The following CARHSP1 variants were observed in gnomAD, a reference collection of about 807,000 sequenced individuals.
CARHSP1 encodes calcium regulated heat stable protein 1.
Under a neutral mutation model 12.5 loss-of-function variants are expected in CARHSP1, and 14 were observed. The observed-to-expected ratio is 1.12, with a 90% confidence interval of 0.74 to 1.75. The LOEUF is 1.75. Ranked by LOEUF, CARHSP1 falls within the 40% of genes most tolerant of loss-of-function variation. CARHSP1 has a pLI of 0.00. For missense variants in CARHSP1, 343 were observed against 201.6 expected (o/e 1.70, Z -4.25); for synonymous variants, 161 against 82.0 (o/e 1.96, Z -5.20).
intron 1 of CARHSP1, chr16:8,866,308 G>A (rs557257348): frequency 4.8e-6 from 2 of 412,608 alleles, no homozygotes; most frequent in Admixed American, 6.4e-5. Context: ...CAGGGAACAC[G>A]GCAGTAGCCG....
chr16:8,855,208 C>G lies in CARHSP1; in HGVS notation c.400G>C (p.Gly134Arg). 1.2e-6 allele frequency: 2 copies of G among 1,612,752 alleles called. No individual in the cohort carries two copies. Among genetic ancestry groups the G allele is most frequent in the Non-Finnish European group, 1.7e-6 (2 of 1,179,138 alleles). Reference sequence around the variant, plus strand: ...CCAGACCAGGTCTCATGCTTGGTGCCTGGTGCCAGGTGAGTGATGACGACC... The same window carrying G: ...CCAGACCAGGTCTCATGCTTGGTGCGTGGTGCCAGGTGAGTGATGACGACC... ...VEVVITHLAP[G>R]TKHETWSGHV... The change falls in exon 4 of 4, where the codon GGC becomes CGC. Residue 134 changes from glycine to arginine, a missense_variant. By Grantham distance (125) the Gly-to-Arg change is moderately radical. Coordinates refer to ENST00000311052, the MANE Select transcript of CARHSP1 (RefSeq NM_014316.4).
chr16:8,858,525 A>C lies in CARHSP1; in HGVS notation c.159-53T>G, dbSNP rs533966011. The C allele has an allele frequency of 2.6e-4, 413 of 1,597,060 alleles. 2 individuals carry two copies. In the East Asian group the frequency reaches 2.7e-3, roughly 11 times the overall value. ...CCCCATCAGCGCTCCTGGGCACACA[A>C]AGCTCATTCCAGCCCCTGCCCACAG... On this transcript the variant is annotated intron_variant, in intron 2 of 3. Transcript: ENST00000311052.
intron 3 of CARHSP1, among the ~76,000 whole-genome samples, chr16:8,857,126 G>C (rs900244246): frequency 7.9e-5 from 12 of 152,040 alleles, no homozygotes; most frequent in African/African-American, 2.7e-4. Context: ...ATGGGCACTC[G>C]GACTCACCCC....
chr16:8,858,174 C>G (rs2061211038), intron 3 of CARHSP1, 176 bp downstream of exon 3: 1 of 746,264 alleles, frequency 1.3e-6, no homozygotes, highest in Non-Finnish European at 2.1e-6. Flanking sequence ...TCTCACAACC[C>G]CAACCCAACA....
At chr16:8,857,310 T>C in intron 3 of CARHSP1, among the ~76,000 whole-genome samples, 1 of 136,924 alleles carries the variant, frequency 7.3e-6, no homozygotes, top group Non-Finnish European at 1.6e-5. Context: ...GAGATGGAGT[T>C]TTGCTCTTGT....
At position 8,855,441 on chromosome 16, in the gene CARHSP1, C is replaced by T. The variant is rs556559017; in HGVS notation, c.282-115G>A. The T allele has an allele frequency of 7.0e-6, 6 of 856,228 alleles. No homozygotes were observed. The East Asian group carries it at 1.2e-4, about 18-fold the overall frequency. 53.0% of individuals were successfully genotyped at this position (856,228 alleles called of 1,614,324 possible). On this transcript the variant is annotated intron_variant, in intron 3 of 3. Transcript: ENST00000311052. Reference sequence around the variant, plus strand: ...ACCAAAGCAGGCACCATCTGACCAACCACCGGGAACCTCTTTCCAAAGAAC... The same window carrying T: ...ACCAAAGCAGGCACCATCTGACCAATCACCGGGAACCTCTTTCCAAAGAAC...
intron 3 of CARHSP1, chr16:8,858,075 T>G: frequency 2.2e-6 from 1 of 459,074 alleles, no homozygotes; most frequent in Non-Finnish European, 4.0e-6. Context: ...CACAAAACCT[T>G]ACACACCCAT....
At chr16:8,856,850 G>T (rs994060712) in intron 3 of CARHSP1, among the ~76,000 whole-genome samples, 1 of 152,130 alleles carries the variant, frequency 6.6e-6, no homozygotes, top group Non-Finnish European at 1.5e-5. Context: ...GGTGAAGCAT[G>T]GGGGGCTGGG....
Position 8,854,898 on chromosome 16 carries a change from A to T in CARHSP1, c.*266T>A, listed in dbSNP as rs1307298814. 1 of 304,032 alleles carries T rather than the reference A, an allele frequency of 3.3e-6. No homozygotes were observed. Among genetic ancestry groups the T allele is most frequent in the African/African-American group, 2.2e-5 (1 of 46,438 alleles). 18.8% of individuals were successfully genotyped at this position (304,032 alleles called of 1,614,324 possible). Reference sequence around the variant, plus strand: ...ATGGGGTTGGAACCTCCACTCAGCCACCAGTGGGCACCTCTCCTTTTTAAA... The same window carrying T: ...ATGGGGTTGGAACCTCCACTCAGCCTCCAGTGGGCACCTCTCCTTTTTAAA... On this transcript the variant is annotated 3_prime_UTR_variant, in exon 4 of 4. Transcript: ENST00000311052.
chr16:8,855,165 T>G lies in CARHSP1; in HGVS notation c.443A>C (p.Ter148SerextTer25). The G allele has an allele frequency of 6.3e-7, 1 of 1,589,680 alleles. No individual in the cohort carries two copies. The highest frequency in any genetic ancestry group is 8.6e-7 in the Non-Finnish European group (1 of 1,165,320). Residue 148 changes from the stop codon to serine (S), a stop_lost, in exon 4 of 4, where the codon TAG becomes TCG. Transcript: ENST00000311052. ...GACAAGGGGTGCTTCCACCATCTCCTAGGAGCTGATGACATGTCCAGACCA... is the reference window on the plus strand; with the variant it reads ...GACAAGGGGTGCTTCCACCATCTCCGAGGAGCTGATGACATGTCCAGACCA... ...ETWSGHVISS[*>S]
chr16:8,859,143 A>C, intron 2 of CARHSP1, 28 bp downstream of exon 2: 1 of 1,555,830 alleles, frequency 6.4e-7, no homozygotes, highest in East Asian at 2.3e-5. Flanking sequence ...CCATCTGAGA[A>C]CGCGTCCCCA....
At chr16:8,862,961 C>A (rs1038817520) in intron 1 of CARHSP1, among the ~76,000 whole-genome samples, 13 of 152,016 alleles carry the variant, frequency 8.6e-5, no homozygotes, top group Non-Finnish European at 1.8e-4. Context: ...CCAAGTGCAC[C>A]CAATCCTTCA....
intron 1 of CARHSP1, among the ~76,000 whole-genome samples, chr16:8,866,765 AG>A (rs2061462637): frequency 7.0e-6 from 1 of 143,732 alleles, no homozygotes; most frequent in Non-Finnish European, 1.5e-5. Context: ...GGCAAAGGGG[AG>A]GGGGCAGCCA....
In CARHSP1 at chr16:8,858,691, C is replaced by T. The variant is rs1319577976; in HGVS notation, c.159-219G>A. ...GATGACCCTGGCCAATTTTCTCGGG[C>T]CTGTTTTCCCTCCTGGAAAGAGGGA... On this transcript the variant is annotated intron_variant, in intron 2 of 3. Transcript: ENST00000311052. 1.0e-4 allele frequency: 56 copies of T among 545,100 alleles called. 1 individual carries two copies. In the South Asian group the frequency reaches 1.4e-3, roughly 13 times the overall value. The allele number at this position is 545,100 out of a possible 1,614,324, so 33.8% of individuals were successfully genotyped here.
At chr16:8,858,242 A>T in intron 3 of CARHSP1, 108 bp downstream of exon 3, 1 of 1,301,692 alleles carries the variant, frequency 7.7e-7, no homozygotes, top group Non-Finnish European at 1.1e-6. Flanking sequence ...AGGCCCAGCC[A>T]TTCGTCCTCA....
chr16:8,866,272 T>G (rs1176209409), intron 1 of CARHSP1: 1 of 218,690 alleles, frequency 4.6e-6, no homozygotes, highest in African/African-American at 2.3e-5. Context: ...TCTAAGGCGC[T>G]CCCAGTGAGG....
At chr16:8,857,928 ATTT>A (rs71398456) in intron 3 of CARHSP1, 44,532 of 162,784 alleles carry the variant, frequency 0.27, 6,589 homozygotes, top group African/African-American at 0.39. Flanking sequence ...TGCCCGGCTA[ATTT>A]TTTTTGTGTT....
At chr16:8,868,341 C>T (rs2061481572) in intron 1 of CARHSP1, 1 of 152,192 alleles carries the variant, frequency 6.6e-6, no homozygotes, top group African/African-American at 2.4e-5. Context: ...ACCGCCAGCG[C>T]AGCCTGCGGA....
intron 3 of CARHSP1, among the ~76,000 whole-genome samples, chr16:8,857,201 A>G (rs992601700): frequency 6.9e-6 from 1 of 145,742 alleles, no homozygotes; most frequent in African/African-American, 2.5e-5. Context: ...TCCCACAAGC[A>G]TAGTCGGGCA....
Sources: gnomAD v4.1 joint callset for allele counts (sites outside exome capture counted in the v4.1 genomes callset) on GRCh38, gnomAD v4.1.1 for gene constraint, MANE v1.5 for transcripts, NCBI Gene and HGNC (gene_info 2026-07-23, HGNC 2026-07-21) for gene names.